Variants in CTNNA3 observed in about 807,000 individuals in gnomAD.
CTNNA3 encodes the protein catenin alpha-3.
Under a neutral mutation model 95.7 loss-of-function variants are expected in CTNNA3, and 76 were observed. The observed-to-expected ratio is 0.79, with a 90% CI of 0.66 to 0.96. The LOEUF is 0.96. Among genes scored for constraint, CTNNA3 ranks in the 40% least tolerant of loss-of-function variants. The probability of loss-of-function intolerance (pLI) is 0.00; values close to 1 mark genes in which losing one functional copy is unlikely to be tolerated. For missense variants in CTNNA3, 1,191 were observed against 1,089.8 expected (o/e 1.09, Z -1.31); for synonymous variants, 431 against 374.4 (o/e 1.15, Z -1.74).
At chr10:66,176,152 G>T (rs2085700188) in intron 13 of CTNNA3, among the ~76,000 whole-genome samples, 1 of 152,168 alleles carries the variant, frequency 6.6e-6, no homozygotes, top group African/African-American at 2.4e-5. Flanking sequence ...GTTGATGTCT[G>T]TGTGCATGTG....
At chr10:67,406,999 G>A (rs535751570) in intron 5 of CTNNA3, among the ~76,000 whole-genome samples, 2 of 152,264 alleles carry the variant, frequency 1.3e-5, no homozygotes, top group East Asian at 1.9e-4. Context: ...ACAAAGAAGA[G>A]CTGGTACCAT....
chr10:66,272,450 T>C (rs1487691608), intron 13 of CTNNA3, among the ~76,000 whole-genome samples: 3 of 152,134 alleles, frequency 2.0e-5, no homozygotes, highest in Admixed American at 2.0e-4. Context: ...AGCGCACATT[T>C]GATAGCCGTT....
chr10:66,935,743 T>C (rs537156884), intron 7 of CTNNA3, among the ~76,000 whole-genome samples: 10 of 152,066 alleles, frequency 6.6e-5, no homozygotes, highest in African/African-American at 2.2e-4. Flanking sequence ...TATCTAATGA[T>C]TTGATAAAAA....
chr10:67,756,302 T>C (rs555532019), intron 1 of CTNNA3, among the ~76,000 whole-genome samples: 26 of 152,260 alleles, frequency 1.7e-4, no homozygotes, highest in African/African-American at 6.0e-4. Context: ...CTATTGTACA[T>C]TTCAAAAAAG....
chr10:67,209,583 T>A (rs1164332337), intron 6 of CTNNA3, among the ~76,000 whole-genome samples: 5 of 152,056 alleles, frequency 3.3e-5, no homozygotes, highest in African/African-American at 1.2e-4. Context: ...AAAACATGAA[T>A]TAAGCCACAA....
At chr10:66,497,754 C>T (rs1564492033) in intron 11 of CTNNA3, among the ~76,000 whole-genome samples, 1 of 152,026 alleles carries the variant, frequency 6.6e-6, no homozygotes, top group South Asian at 2.1e-4. Flanking sequence ...ATGTAAAATA[C>T]ACCACAGGCC....
chr10:66,711,468 T>C (rs144513994), intron 9 of CTNNA3, among the ~76,000 whole-genome samples: 3 of 152,220 alleles, frequency 2.0e-5, no homozygotes, highest in Non-Finnish European at 4.4e-5. Context: ...CAGTCTGCTT[T>C]TGTCTTCCTT....
chr10:66,162,507 C>T (rs548389230), intron 13 of CTNNA3, among the ~76,000 whole-genome samples: 16 of 152,214 alleles, frequency 1.1e-4, no homozygotes, highest in Admixed American at 5.2e-4. Flanking sequence ...CGAGTCTACC[C>T]GGCTACAGGC....
At chr10:66,622,256 C>T (rs1160706082) in intron 9 of CTNNA3, among the ~76,000 whole-genome samples, 1 of 152,116 alleles carries the variant, frequency 6.6e-6, no homozygotes, top group Non-Finnish European at 1.5e-5. Flanking sequence ...ATCAAATATA[C>T]TACAAAGCTG....
At chr10:67,517,612 T>G (rs1459428404) in intron 5 of CTNNA3, among the ~76,000 whole-genome samples, 3 of 152,162 alleles carry the variant, frequency 2.0e-5, no homozygotes, top group African/African-American at 4.8e-5. Flanking sequence ...ATATATAGAA[T>G]GTATTATTAA....
chr10:67,741,341 AAG>A (rs1436354500), intron 1 of CTNNA3, among the ~76,000 whole-genome samples: 1 of 146,368 alleles, frequency 6.8e-6, no homozygotes, highest in Non-Finnish European at 1.5e-5. Flanking sequence ...AAAATAAAAA[AAG>A]AACAAAAAAA....
chr10:66,389,159 G>A (rs542244616), intron 11 of CTNNA3, among the ~76,000 whole-genome samples: 2 of 152,134 alleles, frequency 1.3e-5, no homozygotes, highest in South Asian at 4.1e-4. Flanking sequence ...GCTTCTGATG[G>A]AATGGGTTTA....
At chr10:65,927,602 CT>C (rs1446587695) in intron 17 of CTNNA3, among the ~76,000 whole-genome samples, 2 of 152,266 alleles carry the variant, frequency 1.3e-5, no homozygotes, top group African/African-American at 4.8e-5. Flanking sequence ...CATGTGTAAG[CT>C]TCACGTATGT....
chr10:66,333,677 G>T (rs966405881), intron 12 of CTNNA3, among the ~76,000 whole-genome samples: 19 of 151,688 alleles, frequency 1.3e-4, no homozygotes, highest in Admixed American at 3.9e-4. Context: ...AATAGGTGTG[G>T]TGTGGTGCTG....
At chr10:66,956,303 C>G (rs1848788545) in intron 7 of CTNNA3, among the ~76,000 whole-genome samples, 1 of 151,568 alleles carries the variant, frequency 6.6e-6, no homozygotes, top group Non-Finnish European at 1.5e-5. Context: ...GTTTGAAAAC[C>G]ACTGGTAAGA....
intron 8 of CTNNA3, among the ~76,000 whole-genome samples, chr10:66,769,212 A>G (rs1462108837): frequency 1.3e-5 from 2 of 152,222 alleles, no homozygotes; most frequent in Non-Finnish European, 2.9e-5. Context: ...ATTGTCTCAC[A>G]TTGTGCCAAC....
rs2079164654 is a variant in CTNNA3 at position 66,019,771 on chromosome 10, G to GAAAC, written c.2160-30975_2160-30974insGTTT. On this transcript the variant is annotated intron_variant, in intron 15 of 17. Transcript: ENST00000433211. ...TTGCTTAGTGTAGTTTGATGTTCCT[G>GAAAC]CAGCTTCAAAGTCTATAAAATGAAT... Among the ~76,000 whole-genome samples, 3 of 152,086 alleles carry GAAAC rather than the reference G, an allele frequency of 2.0e-5. No homozygotes were observed. In the South Asian group the frequency reaches 6.3e-4, roughly 32 times the overall value.
chr10:66,798,700 G>GA (rs1841308672), intron 7 of CTNNA3, among the ~76,000 whole-genome samples: 1 of 151,528 alleles, frequency 6.6e-6, no homozygotes, highest in East Asian at 1.9e-4. Context: ...GTGAAGTGAT[G>GA]AAAAAATGAT....
intron 17 of CTNNA3, among the ~76,000 whole-genome samples, chr10:65,962,906 ATAGTAT>A (rs2077880144): frequency 6.6e-6 from 1 of 152,160 alleles, no homozygotes; most frequent in Non-Finnish European, 1.5e-5. Context: ...ATGTGGCTGC[ATAGTAT>A]TCCATGGTGT....
Sources: gnomAD v4.1 joint callset for allele counts (sites outside exome capture counted in the v4.1 genomes callset) on GRCh38, gnomAD v4.1.1 for gene constraint, MANE v1.5 for transcripts, NCBI Gene and HGNC (gene_info 2026-07-23, HGNC 2026-07-21) for gene names.